The following KCNN4 variants were observed in gnomAD, a reference collection of about 807,000 sequenced individuals.
KCNN4 encodes the protein potassium calcium-activated channel subfamily N member 4, also known as intermediate conductance calcium-activated potassium channel protein 4.
KCNN4 carries 31 observed loss-of-function variants against 45.2 expected under a neutral mutation model. The ratio of observed to expected loss-of-function variants is 0.69; its 90% CI spans 0.52 to 0.92. The LOEUF is 0.92. KCNN4 is among the 40% of genes least tolerant of loss of function. The probability of loss-of-function intolerance (pLI) is 0.00; values close to 1 mark genes in which losing one functional copy is unlikely to be tolerated. For missense variants in KCNN4, 463 were observed against 574.0 expected (o/e 0.81, Z 1.98); for synonymous variants, 231 against 254.6 (o/e 0.91, Z 0.88).
intron 8 of KCNN4, chr19:43,767,318 G>C: frequency 1.8e-6 from 1 of 563,034 alleles, no homozygotes; most frequent in South Asian, 2.3e-5. Context: ...CAAGCAAAGA[G>C]GGAGAAGGCC....
chr19:43,774,705 A>G lies in KCNN4; in HGVS notation c.256-86T>C. On this transcript the variant is annotated intron_variant, in intron 2 of 8. Coordinates refer to ENST00000648319, the MANE Select transcript of KCNN4 (RefSeq NM_002250.3). The surrounding 1 kb of genome is among the most constrained non-coding windows in gnomAD (Gnocchi z 5.6). ...GGCCCGCGCCTGCCTGCGCCCTGAG[A>G]TAAGTGGGGTGTGCCGCCTGGCCAG... 5 of 1,219,650 alleles carry G rather than the reference A, an allele frequency of 4.1e-6. No homozygotes were observed. The highest frequency in any genetic ancestry group is 3.4e-5 in the South Asian group (2 of 59,160). 75.6% of individuals were successfully genotyped at this position (1,219,650 alleles called of 1,614,324 possible).
At chr19:43,776,127 CAAAAAAAAAAA>C (rs59704354) in intron 2 of KCNN4, among the ~76,000 whole-genome samples, 13 of 40,966 alleles carry the variant, frequency 3.2e-4, no homozygotes, top group South Asian at 3.0e-3. Flanking sequence ...GACCTTGTCT[CAAAAAAAAAAA>C]AAAAAAAAAA....
rs900561858 is a variant in KCNN4 at position 43,772,264 on chromosome 19, A to C, written c.684-129T>G. The C allele has an allele frequency of 2.0e-6, 2 of 987,956 alleles. No homozygotes were observed. The highest frequency in any genetic ancestry group is 5.6e-5 in the East Asian group (2 of 35,488). The allele number at this position is 987,956 out of a possible 1,614,324, so 61.2% of individuals were successfully genotyped here. On this transcript the variant is annotated intron_variant, in intron 3 of 8. Transcript: ENST00000648319. The surrounding 1 kb of genome is among the most constrained non-coding windows in gnomAD (Gnocchi z 4.4). ...TCCCTTCCCCTCCCAGTATACACCCATAGTCCTAAGAATCACCTGGACAAA... is the reference window on the plus strand; with the variant it reads ...TCCCTTCCCCTCCCAGTATACACCCCTAGTCCTAAGAATCACCTGGACAAA...
At position 43,769,900 on chromosome 19, in the gene KCNN4, A is replaced by G. The variant is rs1969597656; in HGVS notation, c.820-71T>C. On this transcript the variant is annotated intron_variant, in intron 4 of 8. Coordinates refer to ENST00000648319, the MANE Select transcript of KCNN4 (RefSeq NM_002250.3). This position sits in a 1 kb window ranked among gnomAD's most constrained non-coding sequence, Gnocchi z 4.4. ...CCCTCCTTGAACCCGCCCAACAGCC[A>G]CAGACGGTAGGCACGACCATCCCCA... 1 of 1,050,108 alleles carries G rather than the reference A, an allele frequency of 9.5e-7. No individual in the cohort carries two copies. The highest frequency in any genetic ancestry group is 1.4e-6 in the Non-Finnish European group (1 of 696,008). 65.0% of individuals were successfully genotyped at this position (1,050,108 alleles called of 1,614,324 possible).
chr19:43,778,972 T>C (rs914237410), intron 1 of KCNN4, among the ~76,000 whole-genome samples: 1 of 152,128 alleles, frequency 6.6e-6, no homozygotes, highest in Non-Finnish European at 1.5e-5. Flanking sequence ...GGCAGGAGGA[T>C]TGCCTGAGTC....
In KCNN4 at chr19:43,772,431, G is replaced by T. The variant is rs1969668807; in HGVS notation, c.684-296C>A. 6.6e-6 allele frequency among the ~76,000 whole-genome samples: 1 copy of T among 152,136 alleles called. No individual in the cohort carries two copies. Among genetic ancestry groups the T allele is most frequent in the African/African-American group, 2.4e-5 (1 of 41,414 alleles). ...GGTATGGTCTCAGCTAGGCTACCCGGGCTGCTGTAGCATTCAGAGCGTGTG... is the reference window on the plus strand; with the variant it reads ...GGTATGGTCTCAGCTAGGCTACCCGTGCTGCTGTAGCATTCAGAGCGTGTG... On this transcript the variant is annotated intron_variant, in intron 3 of 8. Transcript: ENST00000648319. This position sits in a 1 kb window ranked among gnomAD's most constrained non-coding sequence, Gnocchi z 4.4.
At chr19:43,778,099 G>A (rs1365346819) in intron 1 of KCNN4, among the ~76,000 whole-genome samples, 2 of 152,082 alleles carry the variant, frequency 1.3e-5, no homozygotes, top group Non-Finnish European at 2.9e-5. Flanking sequence ...TTCTCTGGTG[G>A]TCCTCTCTAC....
Position 43,769,901 on chromosome 19 carries a change from C to A in KCNN4, c.820-72G>T. 1 of 1,027,318 alleles carries A rather than the reference C, an allele frequency of 9.7e-7. No individual in the cohort carries two copies. Among genetic ancestry groups the A allele is most frequent in the Non-Finnish European group, 1.5e-6 (1 of 675,570 alleles). The allele number at this position is 1,027,318 out of a possible 1,614,324, so 63.6% of individuals were successfully genotyped here. The stretch of plus-strand genomic sequence containing the variant: ...CCTCCTTGAACCCGCCCAACAGCCA[C>A]AGACGGTAGGCACGACCATCCCCAG... On this transcript the variant is annotated intron_variant, in intron 4 of 8. Coordinates refer to ENST00000648319, the MANE Select transcript of KCNN4 (RefSeq NM_002250.3). This position sits in a 1 kb window ranked among gnomAD's most constrained non-coding sequence, Gnocchi z 4.4.
rs772653108 is a variant in KCNN4, at chr19:43,780,854, C to T, written c.8G>A (p.Gly3Glu). The change falls in exon 1 of 9, where the codon GGG (glycine) becomes GAG (glutamate). Residue 3 changes from glycine to glutamate, a missense_variant. Around this residue, in one of 3 missense-constraint regions of KCNN4, gnomAD observed 225 missense variants for 240.9 expected, o/e 0.93. Coordinates refer to ENST00000648319, the MANE Select transcript of KCNN4 (RefSeq NM_002250.3). ...GGCCCCCAGGCCAAGCACCAGATCC[C>T]CGCCCATGGCCCCCGGGGTCTTGGG... Reference protein sequence around the residue: MGGDLVLGLGALR... With the variant: MGEDLVLGLGALR... The T allele has an allele frequency of 1.2e-6, 2 of 1,613,818 alleles. No individual in the cohort carries two copies. Among genetic ancestry groups the T allele is most frequent in the African/African-American group, 2.7e-5 (2 of 74,916 alleles).
chr19:43,770,757 C>T (rs530549043), intron 4 of KCNN4, among the ~76,000 whole-genome samples: 7 of 152,290 alleles, frequency 4.6e-5, no homozygotes, highest in East Asian at 3.9e-4. Flanking sequence ...GTATGTGCTC[C>T]GGAAAAGTAA....
At position 43,769,950 on chromosome 19, in the gene KCNN4, A is replaced by G. The variant is rs1318313108; in HGVS notation, c.820-121T>C. ...AGTTAGCAGACAAGCAAAGAGGCTC[A>G]GAGAGGAGAGCCAAGGTCCCAGCTC... On this transcript the variant is annotated intron_variant, in intron 4 of 8. Transcript: ENST00000648319. The surrounding 1 kb of genome is among the most constrained non-coding windows in gnomAD (Gnocchi z 4.4). 3 of 668,344 alleles carry G rather than the reference A, an allele frequency of 4.5e-6. No individual in the cohort carries two copies. Among genetic ancestry groups the G allele is most frequent in the Non-Finnish European group, 7.9e-6 (3 of 380,680 alleles). The allele number at this position is 668,344 out of a possible 1,614,324, so 41.4% of individuals were successfully genotyped here.
intron 1 of KCNN4, among the ~76,000 whole-genome samples, chr19:43,777,288 T>C (rs1568395317): frequency 6.8e-6 from 1 of 146,884 alleles, no homozygotes; most frequent in African/African-American, 2.6e-5. Context: ...ACATCAAAAA[T>C]AGTTCTTCAG....
chr19:43,776,357 G>C (rs1207132), intron 2 of KCNN4, among the ~76,000 whole-genome samples, 184 bp downstream of exon 2: 2 of 151,466 alleles, frequency 1.3e-5, no homozygotes, highest in South Asian at 2.1e-4. Context: ...CGGAGCTGGT[G>C]GGGGAGGCTC....
chr19:43,776,526 C>A lies in KCNN4; in HGVS notation c.255+15G>T. 6.3e-7 allele frequency: 1 copy of A among 1,579,102 alleles called. No homozygotes were observed. The highest frequency in any genetic ancestry group is 8.7e-7 in the Non-Finnish European group (1 of 1,149,302). ...GGTTGGAGGGAGCAAGGCTTAGGGG[C>A]GGGGCCTGCCCTACCTGGACCTCTT... On this transcript the variant is annotated intron_variant, in intron 2 of 8. Transcript: ENST00000648319.
chr19:43,768,182 T>G (rs1048881754), intron 7 of KCNN4, among the ~76,000 whole-genome samples: 2 of 152,238 alleles, frequency 1.3e-5, no homozygotes, highest in Non-Finnish European at 2.9e-5. Flanking sequence ...TTGATAACCT[T>G]CAGAAATTAC....
chr19:43,776,591 T>G lies in KCNN4; in HGVS notation c.205A>C (p.Thr69Pro). The G allele has an allele frequency of 6.2e-7, 1 of 1,613,796 alleles. No individual in the cohort carries two copies. The highest frequency in any genetic ancestry group is 8.5e-7 in the Non-Finnish European group (1 of 1,179,920). ...ACGATGAGGCAGAGGAGTAAGAAGG[T>G]GGAAATGCTGATCGTGCATTTAACC... ...FLVKCTISIS[T>P]FLLLCLIVAF... Residue 69 changes from threonine to proline, a missense_variant, in exon 2 of 9, where the codon ACC (threonine) becomes CCC (proline). By Grantham distance (38) the Thr-to-Pro change is conservative. This residue lies in a region of KCNN4 where 225 missense variants were observed against 240.9 expected (regional missense o/e 0.93). Coordinates refer to ENST00000648319, the MANE Select transcript of KCNN4 (RefSeq NM_002250.3).
chr19:43,777,746 G>A (rs11879798), intron 1 of KCNN4, among the ~76,000 whole-genome samples: 45,452 of 151,410 alleles, frequency 0.3, 7,278 homozygotes, highest in South Asian at 0.42. Context: ...GGATTTAGAG[G>A]GGACTGGGAC....
chr19:43,774,265 G>T lies in KCNN4; in HGVS notation c.610C>A (p.Pro204Thr). The change falls in exon 3 of 9, where the codon CCT (proline) becomes ACT (threonine). Residue 204 changes from proline (P) to threonine (T), a missense_variant. Pro to Thr is a conservative substitution (Grantham distance 38). Transcript: ENST00000648319. The surrounding 1 kb of genome is among the most constrained non-coding windows in gnomAD (Gnocchi z 5.6). ...GTGAGGCCGAGCAGCAGGCGGCCAGGGTGCGTGTTCATGTAAAGCTTGGCC... is the reference window on the plus strand; with the variant it reads ...GTGAGGCCGAGCAGCAGGCGGCCAGTGTGCGTGTTCATGTAAAGCTTGGCC... ...FVAKLYMNTH[P>T]GRLLLGLTLG... is the part of the protein sequence containing the mutation. 1.2e-6 allele frequency: 2 copies of T among 1,612,936 alleles called. No individual in the cohort carries two copies. The highest frequency in any genetic ancestry group is 1.3e-5 in the African/African-American group (1 of 75,044).
At chr19:43,767,422 T>C (rs1461323155) in intron 8 of KCNN4, 118 bp downstream of exon 8, 5 of 1,281,714 alleles carry the variant, frequency 3.9e-6, no homozygotes, top group African/African-American at 1.5e-5. Flanking sequence ...GTGCCAGAGC[T>C]GATGAGAAAA....
Sources: gnomAD v4.1 joint callset for allele counts (sites outside exome capture counted in the v4.1 genomes callset) on GRCh38, gnomAD v4.1.1 for gene constraint, gnomAD v4.1.1 regional missense constraint, Gnocchi (gnomAD v3.1) non-coding constraint, MANE v1.5 for transcripts, NCBI Gene and HGNC (gene_info 2026-07-23, HGNC 2026-07-21) for gene names.